The following MAN1A1 variants were observed in gnomAD, a reference collection of about 807,000 sequenced individuals.
MAN1A1 encodes the protein mannosidase alpha class 1A member 1, also known as mannosyl-oligosaccharide 1,2-alpha-mannosidase IA.
Under a neutral mutation model 70.8 loss-of-function variants are expected in MAN1A1, and 29 were observed. That is an observed-to-expected ratio of 0.41 (90% confidence interval 0.31 to 0.56). The LOEUF is 0.56. MAN1A1 is among the 20% of genes least tolerant of loss of function. The probability of loss-of-function intolerance (pLI) is 0.29; values close to 1 mark genes in which losing one functional copy is unlikely to be tolerated. For synonymous variants in MAN1A1, 349 were observed against 330.1 expected, an observed-to-expected ratio of 1.06 and a Z score of -0.62; for missense variants, 747 against 841.3, an observed-to-expected ratio of 0.89 and a Z score of 1.39.
At position 119,201,235 on chromosome 6, in the gene MAN1A1, T is replaced by C. The variant is rs774141680; in HGVS notation, c.1210+19A>G. On this transcript the variant is annotated intron_variant, in intron 8 of 12. Coordinates refer to ENST00000368468, the MANE Select transcript of MAN1A1 (RefSeq NM_005907.4). ...ACAGTACCAAAAAGAGCTATAATAA[T>C]GCAAATCTTCTGACTTACGTTGACC... is the stretch of plus-strand genomic sequence containing the variant. 1.3e-6 allele frequency: 2 copies of C among 1,556,632 alleles called. No individual in the cohort carries two copies. Among genetic ancestry groups the C allele is most frequent in the South Asian group, 1.1e-5 (1 of 89,826 alleles).
At chr6:119,350,006 G>A (rs1773864931), upstream of MAN1A1, among the ~76,000 whole-genome samples, 1 of 152,140 alleles carries the variant, frequency 6.6e-6, no homozygotes, top group African/African-American at 2.4e-5. Context: ...GAGGACGGTC[G>A]AACCCGTGGC....
Position 119,279,320 on chromosome 6 carries a change from T to C in MAN1A1, c.897+11363A>G, listed in dbSNP as rs150010279. On this transcript the variant is annotated intron_variant, in intron 5 of 12. Transcript: ENST00000368468. ...TATTCATCTTGGACTGCATGGTCTATACATTCAATAAATTCTGCCAATACT... is the reference window on the plus strand; with the variant it reads ...TATTCATCTTGGACTGCATGGTCTACACATTCAATAAATTCTGCCAATACT... Among the ~76,000 whole-genome samples the C allele has an allele frequency of 3.3e-5, 5 of 152,338 alleles. No individual in the cohort carries two copies. In the East Asian group the frequency reaches 9.6e-4, roughly 29 times the overall value.
intron 3 of MAN1A1, among the ~76,000 whole-genome samples, chr6:119,304,041 T>C (rs905182113): frequency 6.6e-6 from 1 of 152,206 alleles, no homozygotes; most frequent in Non-Finnish European, 1.5e-5. Context: ...ACACTTCCTA[T>C]ATGTAATTAG....
chr6:119,237,570 CT>C (rs1432807432), intron 6 of MAN1A1, among the ~76,000 whole-genome samples: 2 of 152,138 alleles, frequency 1.3e-5, no homozygotes, highest in Admixed American at 6.5e-5. Context: ...CTCTCCCTCT[CT>C]GGCTAAGGTC....
chr6:119,262,909 C>A (rs981012801), intron 5 of MAN1A1, among the ~76,000 whole-genome samples: 1 of 152,160 alleles, frequency 6.6e-6, no homozygotes, highest in African/African-American at 2.4e-5. Context: ...AAGAGATTAA[C>A]GTTTGAATCA....
intron 6 of MAN1A1, among the ~76,000 whole-genome samples, chr6:119,245,094 G>C (rs992952750): frequency 1.3e-5 from 2 of 152,072 alleles, no homozygotes; most frequent in Non-Finnish European, 2.9e-5. Flanking sequence ...AATTGAGAGG[G>C]AAGAGCAGAA....
intron 8 of MAN1A1, among the ~76,000 whole-genome samples, chr6:119,196,325 TAAAA>T (rs3839392): frequency 6.8e-6 from 1 of 146,764 alleles, no homozygotes; most frequent in Non-Finnish European, 1.5e-5. Context: ...AATTTCACAT[TAAAA>T]AAAAAAAAAC....
At chr6:119,308,537 C>T (rs934731574) in intron 2 of MAN1A1, among the ~76,000 whole-genome samples, 8 of 152,096 alleles carry the variant, frequency 5.3e-5, no homozygotes, top group African/African-American at 1.9e-4. Context: ...TAATTCCTTA[C>T]AGGATGCATG....
intron 12 of MAN1A1, 128 bp downstream of exon 12, chr6:119,180,184 A>G: frequency 1.3e-6 from 1 of 748,362 alleles, no homozygotes; most frequent in South Asian, 1.8e-5. Flanking sequence ...TATACCTGCA[A>G]TTATAGCCAT....
intron 2 of MAN1A1, among the ~76,000 whole-genome samples, chr6:119,333,972 C>T (rs1373193141): frequency 6.6e-6 from 1 of 152,202 alleles, no homozygotes; most frequent in Admixed American, 6.5e-5. Context: ...GTAGTTAAAG[C>T]TTTAAGCAAG....
chr6:119,249,406 A>G (rs892578971), intron 5 of MAN1A1, among the ~76,000 whole-genome samples: 12 of 152,220 alleles, frequency 7.9e-5, no homozygotes, highest in Non-Finnish European at 1.5e-4. Context: ...AGGTCCAAAG[A>G]AAAGCTCTAG....
At chr6:119,298,729 T>G (rs1209170611) in intron 4 of MAN1A1, among the ~76,000 whole-genome samples, 1 of 151,964 alleles carries the variant, frequency 6.6e-6, no homozygotes, top group Non-Finnish European at 1.5e-5. Flanking sequence ...CCCAAGTAGC[T>G]GGGACTACAG....
chr6:119,225,553 A>G (rs1438925604), intron 6 of MAN1A1, among the ~76,000 whole-genome samples: 3 of 152,248 alleles, frequency 2.0e-5, no homozygotes, highest in Admixed American at 2.0e-4. Flanking sequence ...CACAAGCAGG[A>G]TAACTATAAC....
chr6:119,310,297 T>C (rs988776635), intron 2 of MAN1A1, among the ~76,000 whole-genome samples: 16 of 152,316 alleles, frequency 1.1e-4, no homozygotes, highest in African/African-American at 3.8e-4. Context: ...AATTTTTATA[T>C]TAGACACATC....
rs373422856 is a variant in MAN1A1 at position 119,229,453 on chromosome 6, C to G, written c.992+18807G>C. 3.2e-4 allele frequency among the ~76,000 whole-genome samples: 49 copies of G among 152,200 alleles called. 2 individuals carry two copies. The East Asian group carries it at 6.8e-3, about 21-fold the overall frequency. Reference sequence around the variant, plus strand: ...ATAGAGCTGTTTTCTTTTCATAGATCATCAATTAATATTTCATGGACATAA... The same window carrying G: ...ATAGAGCTGTTTTCTTTTCATAGATGATCAATTAATATTTCATGGACATAA... On this transcript the variant is annotated intron_variant, in intron 6 of 12. Coordinates refer to ENST00000368468, the MANE Select transcript of MAN1A1 (RefSeq NM_005907.4).
intron 11 of MAN1A1, among the ~76,000 whole-genome samples, chr6:119,186,711 G>A (rs1773300023): frequency 6.6e-6 from 1 of 152,186 alleles, no homozygotes; most frequent in Non-Finnish European, 1.5e-5. Context: ...GAACAGCCAA[G>A]TGCTGGAGGT....
At chr6:119,207,915 G>A (rs761520529) in intron 6 of MAN1A1, among the ~76,000 whole-genome samples, 10 of 152,128 alleles carry the variant, frequency 6.6e-5, no homozygotes, top group Non-Finnish European at 5.9e-5. Flanking sequence ...GATTTAAAAT[G>A]TCTCTAACTT....
chr6:119,281,564 T>G (rs1776225044), intron 5 of MAN1A1, among the ~76,000 whole-genome samples: 1 of 152,174 alleles, frequency 6.6e-6, no homozygotes, highest in South Asian at 2.1e-4. Context: ...AGATGGCAGC[T>G]GCCCCAGCAG....
intron 2 of MAN1A1, among the ~76,000 whole-genome samples, chr6:119,311,597 C>A (rs1772703122): frequency 6.6e-6 from 1 of 152,114 alleles, no homozygotes; most frequent in South Asian, 2.1e-4. Context: ...TAACACACAA[C>A]AAGCTTTAAT....
Sources: gnomAD v4.1 joint callset for allele counts (sites outside exome capture counted in the v4.1 genomes callset) on GRCh38, gnomAD v4.1.1 for gene constraint, MANE v1.5 for transcripts, NCBI Gene and HGNC (gene_info 2026-07-23, HGNC 2026-07-21) for gene names.